The following KAZN variants were observed in gnomAD, a reference collection of about 807,000 sequenced individuals.
KAZN encodes kazrin, periplakin interacting protein, also known as kazrin.
In KAZN, 40 loss-of-function variants were observed where a neutral mutation model predicts 87.4. The observed-to-expected ratio is 0.46, with a 90% CI of 0.36 to 0.60. The LOEUF is 0.60. KAZN is among the 20% of genes least tolerant of loss of function. The pLI is 0.00. For synonymous variants in KAZN, 466 were observed against 458.3 expected, an observed-to-expected ratio of 1.02 and a Z score of -0.22; for missense variants, 898 against 1,073.9, an observed-to-expected ratio of 0.84 and a Z score of 2.29.
chr1:14,500,476 G>A (rs1255275669), intron 2 of KAZN, among the ~76,000 whole-genome samples: 1 of 151,964 alleles, frequency 6.6e-6, no homozygotes. Context: ...TATAGTTATA[G>A]ATGCCTATTT....
intron 2 of KAZN, among the ~76,000 whole-genome samples, chr1:14,971,743 G>A (rs569177336): frequency 6.9e-5 from 10 of 145,682 alleles, no homozygotes; most frequent in Non-Finnish European, 1.5e-4. Context: ...ATGCAGTGGC[G>A]CGATCTCTGC....
chr1:14,954,736 C>T (rs574844512), intron 1 of KAZN, among the ~76,000 whole-genome samples: 1 of 152,264 alleles, frequency 6.6e-6, no homozygotes, highest in South Asian at 2.1e-4. Flanking sequence ...GCGGGCAGAT[C>T]ATAAGGTCAG....
chr1:14,573,051 A>C (rs947463311), intron 2 of KAZN, among the ~76,000 whole-genome samples: 6 of 152,136 alleles, frequency 3.9e-5, no homozygotes, highest in African/African-American at 1.4e-4. Flanking sequence ...CATGCTCCTC[A>C]GCTCTGAGGA....
chr1:14,357,075 ATTTG>A (rs1206740497), intron 2 of KAZN, among the ~76,000 whole-genome samples: 1 of 152,060 alleles, frequency 6.6e-6, no homozygotes, highest in East Asian at 1.9e-4. Flanking sequence ...ATGTTTTTCC[ATTTG>A]TTTGTGCCCT....
At chr1:14,621,405 A>G (rs1678687007) in intron 1 of KAZN, among the ~76,000 whole-genome samples, 1 of 152,214 alleles carries the variant, frequency 6.6e-6, no homozygotes, top group Non-Finnish European at 1.5e-5. Flanking sequence ...GACTCTACTA[A>G]TTCTGCTGTG....
At chr1:14,857,203 G>A (rs939958561) in intron 1 of KAZN, among the ~76,000 whole-genome samples, 1 of 152,124 alleles carries the variant, frequency 6.6e-6, no homozygotes, top group African/African-American at 2.4e-5. Context: ...AGGGTATGAG[G>A]AGGCTACAAC....
At chr1:14,124,661 C>CA (rs1644824428) in intron 1 of KAZN, among the ~76,000 whole-genome samples, 1 of 151,732 alleles carries the variant, frequency 6.6e-6, no homozygotes, top group African/African-American at 2.4e-5. Flanking sequence ...TCGCCAACGG[C>CA]CTCTCTCAGT....
chr1:14,899,722 A>C, intron 1 of KAZN, among the ~76,000 whole-genome samples: 4 of 148,478 alleles, frequency 2.7e-5, no homozygotes, highest in Admixed American at 6.7e-5. Flanking sequence ...TCTGTCCACC[A>C]CTCCTCTCTC....
rs531116872 is a variant in KAZN at position 14,763,272 on chromosome 1, G to A, written c.226+164049G>A. Among the ~76,000 whole-genome samples the A allele has an allele frequency of 8.4e-4, 128 of 152,332 alleles. No homozygotes were observed. The Middle Eastern group carries it at 0.031, about 36-fold the overall frequency. On this transcript the variant is annotated intron_variant, in intron 1 of 14. Coordinates refer to ENST00000376030, the MANE Select transcript of KAZN (RefSeq NM_201628.3). Reference sequence around the variant, plus strand: ...AGCAACTAGTTGAGGAGCTGTTTCCGTCTCAGGCAAGCCCAGAGAACAGAT... The same window carrying A: ...AGCAACTAGTTGAGGAGCTGTTTCCATCTCAGGCAAGCCCAGAGAACAGAT...
At chr1:14,447,776 C>T (rs1159022082) in intron 2 of KAZN, among the ~76,000 whole-genome samples, 1 of 152,018 alleles carries the variant, frequency 6.6e-6, no homozygotes, top group Non-Finnish European at 1.5e-5. Context: ...GATGCCCTGA[C>T]TACTTCAAAT....
intron 1 of KAZN, among the ~76,000 whole-genome samples, chr1:14,074,205 G>A (rs150728308): frequency 6.6e-6 from 1 of 152,262 alleles, no homozygotes; most frequent in African/African-American, 2.4e-5. Flanking sequence ...TGGAAAGCCA[G>A]GTTTGAACAC....
chr1:14,072,324 T>C (rs938046332), intron 1 of KAZN, among the ~76,000 whole-genome samples: 2 of 152,220 alleles, frequency 1.3e-5, no homozygotes, highest in Non-Finnish European at 1.5e-5. Context: ...CTTTTTCATC[T>C]AGGACCAGGA....
At chr1:14,751,209 G>T (rs1192666357) in intron 1 of KAZN, among the ~76,000 whole-genome samples, 1 of 152,094 alleles carries the variant, frequency 6.6e-6, no homozygotes, top group Non-Finnish European at 1.5e-5. Flanking sequence ...TAACACTTTG[G>T]TGAGCTTCCC....
intron 2 of KAZN, among the ~76,000 whole-genome samples, chr1:14,324,331 G>A (rs1481538710): frequency 3.3e-5 from 5 of 152,210 alleles, no homozygotes; most frequent in Admixed American, 3.3e-4. Context: ...TTGTGCTGCA[G>A]TAATAAGTGT....
chr1:14,205,902 A>AAAAAAAAT (rs1347848492), intron 2 of KAZN, among the ~76,000 whole-genome samples: 1 of 56,556 alleles, frequency 1.8e-5, no homozygotes, highest in Non-Finnish European at 3.1e-5. Flanking sequence ...AAAAAAAAAA[A>AAAAAAAAT]AAAAGCTACC....
intron 8 of KAZN, among the ~76,000 whole-genome samples, chr1:15,069,117 A>C (rs1217266426): frequency 6.6e-6 from 1 of 152,094 alleles, no homozygotes; most frequent in African/African-American, 2.4e-5. Context: ...TGCCAGGATT[A>C]GAACCACTGA....
At chr1:14,597,772 G>A (rs1676603759), upstream of KAZN, among the ~76,000 whole-genome samples, 1 of 152,108 alleles carries the variant, frequency 6.6e-6, no homozygotes, top group Non-Finnish European at 1.5e-5. Flanking sequence ...TATTTGCATG[G>A]AATGAAGTTT....
At chr1:14,365,112 C>T (rs35193025) in intron 2 of KAZN, among the ~76,000 whole-genome samples, 1,769 of 151,762 alleles carry the variant, frequency 0.012, 23 homozygotes, top group Non-Finnish European at 0.017. Flanking sequence ...GGCACCATCT[C>T]GGCTCACTGC....
intron 1 of KAZN, among the ~76,000 whole-genome samples, chr1:14,838,162 C>A (rs182257424): frequency 6.6e-6 from 1 of 152,224 alleles, no homozygotes; most frequent in African/African-American, 2.4e-5. Flanking sequence ...TGCACCCTCA[C>A]GTGGAGGAAG....
Sources: allele counts gnomAD v4.1 joint callset (sites outside exome capture counted in the v4.1 genomes callset), GRCh38; gene constraint gnomAD v4.1.1; transcripts MANE v1.5; gene names NCBI Gene and HGNC (gene_info 2026-07-23, HGNC 2026-07-21).